The following ATG5 variants were observed in gnomAD, a reference collection of about 807,000 sequenced individuals.
ATG5 encodes autophagy protein 5.
In ATG5, 14 loss-of-function variants were observed where a neutral mutation model predicts 36.5. The ratio of observed to expected loss-of-function variants is 0.38; its 90% confidence interval spans 0.25 to 0.60. The LOEUF (loss-of-function observed/expected upper bound fraction) is 0.60, where lower values mean the gene tolerates loss of function less well. Ranked by LOEUF, ATG5 falls within the 20% of genes least tolerant of loss-of-function variation. The probability of loss-of-function intolerance (pLI) is 0.60; values close to 1 mark genes in which losing one functional copy is unlikely to be tolerated. For synonymous variants in ATG5, 95 were observed against 101.5 expected, an observed-to-expected ratio of 0.94 and a Z score of 0.38; for missense variants, 195 against 326.7, an observed-to-expected ratio of 0.60 and a Z score of 3.11.
At chr6:106,283,720 A>C (rs921060644) in intron 4 of ATG5, 2 of 152,174 alleles carry the variant, frequency 1.3e-5, no homozygotes, top group Non-Finnish European at 2.9e-5. Flanking sequence ...ACTAGTTCTT[A>C]GGTATTTTAT....
At chr6:106,305,072 CAA>C (rs1770387494) in intron 3 of ATG5, among the ~76,000 whole-genome samples, 1 of 134,966 alleles carries the variant, frequency 7.4e-6, no homozygotes, top group African/African-American at 2.8e-5. Flanking sequence ...GCCTGGGCGA[CAA>C]GAGCAAAACT....
At chr6:106,279,565 TACC>T in intron 5 of ATG5, 93 bp downstream of exon 5, 2 of 1,106,584 alleles carry the variant, frequency 1.8e-6, no homozygotes, top group South Asian at 5.2e-5. Flanking sequence ...TTTAAACTTG[TACC>T]ACCAATTCTA....
At chr6:106,235,711 A>T (rs1777874281) in intron 6 of ATG5, among the ~76,000 whole-genome samples, 1 of 152,288 alleles carries the variant, frequency 6.6e-6, no homozygotes, top group Non-Finnish European at 1.5e-5. Context: ...AATGATCGGG[A>T]TATAAACCCA....
rs201888107 is a variant in ATG5 at position 106,198,113 on chromosome 6, G to GA, written c.691+3858dup. ...CAAAAACAAACACCCTTATAACAGA[G>GA]AAAATGAACTAAAAAAGTAAGCTTA... is the stretch of plus-strand genomic sequence containing the variant. On this transcript the variant is annotated intron_variant, in intron 7 of 7. Transcript: ENST00000369076. 2.8e-4 allele frequency among the ~76,000 whole-genome samples: 42 copies of GA among 152,190 alleles called. No homozygotes were observed. In the East Asian group the frequency reaches 7.9e-3, roughly 29 times the overall value.
At chr6:106,317,426 C>T (rs1770892550) in intron 1 of ATG5, among the ~76,000 whole-genome samples, 1 of 151,826 alleles carries the variant, frequency 6.6e-6, no homozygotes, top group Non-Finnish European at 1.5e-5. Flanking sequence ...TTCCACTGAC[C>T]AATGACATTA....
chr6:106,249,652 A>T (rs1310932470), intron 5 of ATG5, among the ~76,000 whole-genome samples: 1 of 152,202 alleles, frequency 6.6e-6, no homozygotes, highest in Non-Finnish European at 1.5e-5. Context: ...TATTTAACTG[A>T]TACATGGTAA....
At chr6:106,279,027 C>A (rs555715156) in intron 5 of ATG5, among the ~76,000 whole-genome samples, 2 of 152,280 alleles carry the variant, frequency 1.3e-5, no homozygotes, top group East Asian at 3.9e-4. Context: ...ACCATGATAA[C>A]TGAAATTCAT....
chr6:106,248,709 C>T (rs1582607719), intron 5 of ATG5, among the ~76,000 whole-genome samples: 1 of 152,292 alleles, frequency 6.6e-6, no homozygotes, highest in South Asian at 2.1e-4. Flanking sequence ...GAGGCTGAGG[C>T]GGGCAGATCA....
intron 6 of ATG5, among the ~76,000 whole-genome samples, chr6:106,244,797 T>G (rs1277667296): frequency 1.3e-5 from 2 of 152,226 alleles, no homozygotes; most frequent in East Asian, 1.9e-4. Flanking sequence ...AATAAACTTG[T>G]TGAATGAATC....
intron 3 of ATG5, among the ~76,000 whole-genome samples, chr6:106,294,330 T>C (rs144498650): frequency 2.0e-5 from 3 of 152,270 alleles, no homozygotes; most frequent in East Asian, 1.9e-4. Flanking sequence ...GTTAATATTA[T>C]TTATGCTTGT....
chr6:106,271,439 A>G (rs2114580717), intron 5 of ATG5, among the ~76,000 whole-genome samples: 1 of 152,322 alleles, frequency 6.6e-6, no homozygotes, highest in East Asian at 1.9e-4. Context: ...GTGAGGACAC[A>G]AAGAGAAGAT....
In ATG5 at chr6:106,298,858, G is replaced by A. The variant is rs545886649; in HGVS notation, c.237-5752C>T. The stretch of plus-strand genomic sequence containing the variant: ...TCAACACAATCTATAAAAGAAAACA[G>A]AACTGGCAAAAATTAAAGGTACTGA... On this transcript the variant is annotated intron_variant, in intron 3 of 7. Coordinates refer to ENST00000369076, the MANE Select transcript of ATG5 (RefSeq NM_004849.4). Among the ~76,000 whole-genome samples the A allele has an allele frequency of 2.5e-4, 38 of 152,188 alleles. No individual in the cohort carries two copies. In the South Asian group the frequency reaches 7.7e-3, roughly 31 times the overall value.
intron 1 of ATG5, among the ~76,000 whole-genome samples, chr6:106,321,339 CTT>C (rs1771057942): frequency 6.6e-6 from 1 of 150,688 alleles, no homozygotes; most frequent in South Asian, 2.1e-4. Flanking sequence ...TTGGCCAACT[CTT>C]TTATCCTCTC....
intron 3 of ATG5, among the ~76,000 whole-genome samples, chr6:106,304,574 G>T (rs567183123): frequency 2.0e-5 from 3 of 152,066 alleles, no homozygotes; most frequent in Non-Finnish European, 4.4e-5. Context: ...ATTCAGACAC[G>T]AAAGGCTACA....
At chr6:106,201,319 C>A (rs972233280) in intron 7 of ATG5, among the ~76,000 whole-genome samples, 8 of 150,648 alleles carry the variant, frequency 5.3e-5, no homozygotes, top group African/African-American at 2.0e-4. Context: ...CAACAGTGGT[C>A]TCTATCAGTT....
intron 6 of ATG5, among the ~76,000 whole-genome samples, chr6:106,238,787 G>A (rs1052410523): frequency 1.6e-4 from 25 of 152,260 alleles, no homozygotes; most frequent in African/African-American, 5.8e-4. Flanking sequence ...TGAAATAGGG[G>A]TAAAAGAATA....
intron 1 of ATG5, among the ~76,000 whole-genome samples, chr6:106,316,787 C>T (rs915260794): frequency 6.6e-6 from 1 of 152,126 alleles, no homozygotes; most frequent in African/African-American, 2.4e-5. Context: ...AAACCCATTC[C>T]CCATTCTAAA....
chr6:106,314,962 C>A (rs1770785500), intron 2 of ATG5, among the ~76,000 whole-genome samples: 1 of 152,102 alleles, frequency 6.6e-6, no homozygotes, highest in Non-Finnish European at 1.5e-5. Context: ...AGTAAGAAAA[C>A]CCATAAAGAT....
intron 5 of ATG5, among the ~76,000 whole-genome samples, chr6:106,279,188 C>G (rs1779779106): frequency 6.6e-6 from 1 of 152,172 alleles, no homozygotes; most frequent in Non-Finnish European, 1.5e-5. Context: ...TTCCACTTAG[C>G]TTTTTCCTTG....
Sources: allele counts gnomAD v4.1 joint callset (sites outside exome capture counted in the v4.1 genomes callset), GRCh38; gene constraint gnomAD v4.1.1; transcripts MANE v1.5; gene names NCBI Gene and HGNC (gene_info 2026-07-23, HGNC 2026-07-21).